The following VWA3B variants were observed in gnomAD, a reference collection of about 807,000 sequenced individuals.
VWA3B encodes von Willebrand factor A domain containing 3B.
In VWA3B, 138 loss-of-function variants were observed where a neutral mutation model predicts 158.3. The ratio of observed to expected loss-of-function variants is 0.87; its 90% CI spans 0.76 to 1.00. The LOEUF (loss-of-function observed/expected upper bound fraction) is 1.00, where lower values mean the gene tolerates loss of function less well. Ranked by LOEUF, VWA3B falls within the 50% of genes least tolerant of loss-of-function variation. The probability of loss-of-function intolerance (pLI) is 0.00; values close to 1 mark genes in which losing one functional copy is unlikely to be tolerated. For missense variants in VWA3B, 1,555 were observed against 1,565.1 expected, an observed-to-expected ratio of 0.99 and a Z score of 0.11; for synonymous variants, 596 against 587.3, an observed-to-expected ratio of 1.01 and a Z score of -0.21.
chr2:98,109,239 A>T (rs1415444092), intron 2 of VWA3B, among the ~76,000 whole-genome samples: 1 of 151,936 alleles, frequency 6.6e-6, no homozygotes, highest in Non-Finnish European at 1.5e-5. Flanking sequence ...TGATCTGACA[A>T]CCTTGGCCTC....
intron 25 of VWA3B, 88 bp from the exon 26 acceptor site, chr2:98,303,614 T>C (rs977452203): frequency 4.0e-6 from 5 of 1,237,436 alleles, no homozygotes; most frequent in Non-Finnish European, 5.9e-6. Flanking sequence ...CTAGAAGCTA[T>C]TATAATGGGT....
At chr2:98,147,800 A>G (rs998157001) in intron 7 of VWA3B, among the ~76,000 whole-genome samples, 28 of 151,822 alleles carry the variant, frequency 1.8e-4, no homozygotes, top group Admixed American at 2.0e-4. Flanking sequence ...TGCTGCACCC[A>G]TTAACTCGTC....
chr2:98,129,905 C>A (rs1457404840), intron 6 of VWA3B, among the ~76,000 whole-genome samples: 4 of 152,140 alleles, frequency 2.6e-5, no homozygotes, highest in Non-Finnish European at 4.4e-5. Context: ...TGGGTTGCCC[C>A]TCCACACCTG....
At chr2:98,136,210 T>C (rs536702858) in intron 7 of VWA3B, among the ~76,000 whole-genome samples, 1 of 152,284 alleles carries the variant, frequency 6.6e-6, no homozygotes, top group Non-Finnish European at 1.5e-5. Flanking sequence ...ATAAAAAATG[T>C]TTTTTAAAAA....
Position 98,179,892 on chromosome 2 carries a change from CTT to C in VWA3B, c.1115-1122_1115-1121del, listed in dbSNP as rs201271254. On this transcript the variant is annotated intron_variant, in intron 8 of 27. Coordinates refer to ENST00000477737, the MANE Select transcript of VWA3B (RefSeq NM_144992.5). ...CTCTCCTTCCTCCCTCCCTCTCTCT[CTT>C]TCTTTCTCTTTCTTCTCTCTCTCTC... 2.3e-3 allele frequency among the ~76,000 whole-genome samples: 279 copies of C among 121,056 alleles called. 2 individuals are homozygous for C. Among genetic ancestry groups the C allele is most frequent in the African/African-American group, 8.1e-3 (250 of 31,052 alleles). 79.4% of individuals were successfully genotyped at this position (121,056 alleles called of 152,430 possible). A position where few individuals can be genotyped will look rare whatever the true frequency, so the allele number is the denominator to read the frequency against.
the VWA3B span, among the ~76,000 whole-genome samples, chr2:98,324,049 G>A: frequency 6.6e-6 from 1 of 152,112 alleles, no homozygotes; most frequent in African/African-American, 2.4e-5. Context: ...TGAAAAACCA[G>A]AAAACAGAGT....
intron 22 of VWA3B, among the ~76,000 whole-genome samples, chr2:98,277,334 G>A (rs1420748138): frequency 6.6e-6 from 1 of 152,166 alleles, no homozygotes; most frequent in Non-Finnish European, 1.5e-5. Context: ...AGAGCTGAAC[G>A]ATAGGGGAAG....
At chr2:98,124,128 G>A (rs1015044677) in intron 5 of VWA3B, among the ~76,000 whole-genome samples, 3 of 152,170 alleles carry the variant, frequency 2.0e-5, no homozygotes, top group Admixed American at 6.5e-5. Flanking sequence ...CATGACCCTG[G>A]CAGTTCATTT....
chr2:98,098,666 CTG>C (rs1491366838), intron 2 of VWA3B, among the ~76,000 whole-genome samples: 3 of 152,032 alleles, frequency 2.0e-5, no homozygotes, highest in Admixed American at 6.5e-5. Flanking sequence ...TACAGCCACT[CTG>C]TGTATTTTGA....
At chr2:98,280,553 A>AT (rs1208156987) in intron 22 of VWA3B, among the ~76,000 whole-genome samples, 1 of 152,192 alleles carries the variant, frequency 6.6e-6, no homozygotes, top group Non-Finnish European at 1.5e-5. Context: ...CCTCTTAGCC[A>AT]TTCGCACGGC....
intron 25 of VWA3B, among the ~76,000 whole-genome samples, chr2:98,302,335 G>A (rs1690250553): frequency 1.3e-5 from 2 of 152,158 alleles, no homozygotes; most frequent in Admixed American, 6.5e-5. Context: ...CTCAATCCTT[G>A]AAGGCAGAGA....
intron 7 of VWA3B, among the ~76,000 whole-genome samples, chr2:98,144,730 G>A (rs1677041613): frequency 6.6e-6 from 1 of 151,828 alleles, no homozygotes; most frequent in Admixed American, 6.6e-5. Context: ...CCACGCCTAG[G>A]TAATTTTTGT....
chr2:98,223,308 CAA>C (rs35992329), intron 14 of VWA3B, among the ~76,000 whole-genome samples: 7 of 123,562 alleles, frequency 5.7e-5, no homozygotes, highest in Non-Finnish European at 6.7e-5. Context: ...GAAAATAGAC[CAA>C]AAAAAAAAAA....
chr2:98,281,495 A>G (rs2105920315), intron 22 of VWA3B, among the ~76,000 whole-genome samples: 1 of 152,308 alleles, frequency 6.6e-6, no homozygotes, highest in South Asian at 2.1e-4. Context: ...TTAGGGCAGG[A>G]AAAGTATTTA....
chr2:98,266,987 T>C (rs1394217726), intron 21 of VWA3B, among the ~76,000 whole-genome samples: 1 of 151,388 alleles, frequency 6.6e-6, no homozygotes, highest in Non-Finnish European at 1.5e-5. Flanking sequence ...TCATGTCGTC[T>C]GCAAACAGGG....
At chr2:98,141,315 G>A (rs1011866302) in intron 7 of VWA3B, among the ~76,000 whole-genome samples, 7 of 152,184 alleles carry the variant, frequency 4.6e-5, no homozygotes, top group Admixed American at 6.5e-5. Flanking sequence ...TAGGCTCAGC[G>A]TTCTGCAGGC....
the VWA3B span, among the ~76,000 whole-genome samples, chr2:98,322,809 A>G: frequency 6.6e-6 from 1 of 152,226 alleles, no homozygotes; most frequent in Non-Finnish European, 1.5e-5. Flanking sequence ...TTATGTAGGC[A>G]TAGGGAAAAC....
intron 15 of VWA3B, among the ~76,000 whole-genome samples, chr2:98,229,313 TG>T (rs1685162644): frequency 6.6e-6 from 1 of 152,104 alleles, no homozygotes; most frequent in South Asian, 2.1e-4. Context: ...CCTTCTGCTG[TG>T]GGGGGCACAG....
At chr2:98,098,366 G>T (rs1030942556) in intron 2 of VWA3B, among the ~76,000 whole-genome samples, 1 of 151,966 alleles carries the variant, frequency 6.6e-6, no homozygotes, top group African/African-American at 2.4e-5. Flanking sequence ...TCTTCCTTCA[G>T]ATCTATTAAT....
Sources: gnomAD v4.1 joint callset for allele counts (sites outside exome capture counted in the v4.1 genomes callset) on GRCh38, gnomAD v4.1.1 for gene constraint, MANE v1.5 for transcripts, NCBI Gene and HGNC (gene_info 2026-07-23, HGNC 2026-07-21) for gene names.